LRMDA: variants seen among roughly 807,000 people sequenced by gnomAD.
LRMDA encodes leucine-rich melanocyte differentiation-associated protein.
Under a neutral mutation model 29.8 loss-of-function variants are expected in LRMDA, and 18 were observed. The observed-to-expected ratio is 0.60, with a 90% CI of 0.42 to 0.90. The LOEUF is 0.90. Among genes scored for constraint, LRMDA ranks in the 40% least tolerant of loss-of-function variants. LRMDA has a pLI of 0.00. For synonymous variants in LRMDA, 125 were observed against 109.4 expected (o/e 1.14, Z -0.89); for missense variants, 273 against 273.9 (o/e 1.00, Z 0.02).
chr10:75,744,505 G>A (rs1842867896), intron 2 of LRMDA, among the ~76,000 whole-genome samples: 1 of 152,156 alleles, frequency 6.6e-6, no homozygotes, highest in African/African-American at 2.4e-5. Context: ...GCTTCTAGGA[G>A]CCAGAAAATA....
At chr10:75,603,320 A>T (rs1489690438) in intron 2 of LRMDA, among the ~76,000 whole-genome samples, 2 of 152,190 alleles carry the variant, frequency 1.3e-5, no homozygotes, top group Non-Finnish European at 2.9e-5. Context: ...GGTACTTTTT[A>T]AAATAGTTCT....
Position 76,198,167 on chromosome 10 carries a change from T to C in LRMDA, c.517-126234T>C, listed in dbSNP as rs746167457. Among the ~76,000 whole-genome samples, 10 of 152,324 alleles carry C rather than the reference T, an allele frequency of 6.6e-5. No individual in the cohort carries two copies. In the East Asian group the frequency reaches 1.9e-3, roughly 29 times the overall value. ...GTCACCCACCTTGCAGTTAGAGCAG[T>C]GCTCCTGGGATGGAATGCTTTGGTT... is the stretch of plus-strand genomic sequence containing the variant. On this transcript the variant is annotated intron_variant, in intron 5 of 6. Transcript: ENST00000611255.
chr10:76,152,717 G>A (rs191850752), intron 5 of LRMDA, among the ~76,000 whole-genome samples: 2 of 152,198 alleles, frequency 1.3e-5, no homozygotes, highest in East Asian at 3.9e-4. Flanking sequence ...GTGATCCTGT[G>A]GGTGTGAAAC....
intron 1 of LRMDA, among the ~76,000 whole-genome samples, chr10:75,435,586 A>C (rs923858879): frequency 2.0e-5 from 3 of 152,200 alleles, no homozygotes; most frequent in Non-Finnish European, 4.4e-5. Context: ...CTTGGTCTTC[A>C]CATTTGAGAA....
rs1215454443 is a variant in LRMDA, at chr10:75,855,698, G to T, written c.132-180310G>T. The stretch of plus-strand genomic sequence containing the variant: ...TCTTCTAGGGTTTTTATGGTTTTAA[G>T]TCTAACATTTAAGTCTTTAATCCAT... On this transcript the variant is annotated intron_variant, in intron 2 of 6. Transcript: ENST00000611255. Among the ~76,000 whole-genome samples the T allele has an allele frequency of 4.3e-4, 65 of 152,182 alleles. 2 individuals are homozygous for T. The highest frequency in any genetic ancestry group is 5.9e-5 in the Non-Finnish European group (4 of 68,042).
intron 6 of LRMDA, among the ~76,000 whole-genome samples, chr10:76,486,028 A>G (rs1426648308): frequency 6.6e-6 from 1 of 151,916 alleles, no homozygotes; most frequent in Non-Finnish European, 1.5e-5. Flanking sequence ...CTTTCAGAAT[A>G]TTCTAATAGA....
At chr10:75,727,575 A>G (rs1252081285) in intron 2 of LRMDA, among the ~76,000 whole-genome samples, 2 of 152,194 alleles carry the variant, frequency 1.3e-5, no homozygotes, top group African/African-American at 2.4e-5. Flanking sequence ...CACTGTGTAT[A>G]TTTTACAGAT....
chr10:75,860,404 C>T (rs963745980), intron 2 of LRMDA, among the ~76,000 whole-genome samples: 1 of 146,522 alleles, frequency 6.8e-6, no homozygotes, highest in Admixed American at 7.0e-5. Flanking sequence ...TCACTGCAAC[C>T]TCTGCCTCCC....
intron 6 of LRMDA, among the ~76,000 whole-genome samples, chr10:76,472,901 A>G (rs898602307): frequency 2.0e-5 from 3 of 151,514 alleles, no homozygotes; most frequent in Admixed American, 1.3e-4. Flanking sequence ...TCTACAAAAA[A>G]AGACCCCGGG....
At chr10:76,459,084 C>T (rs930627715) in intron 6 of LRMDA, among the ~76,000 whole-genome samples, 6 of 152,100 alleles carry the variant, frequency 3.9e-5, no homozygotes, top group Non-Finnish European at 7.3e-5. Flanking sequence ...ATTCAATGAA[C>T]TAAAAAATAT....
chr10:75,818,019 A>G (rs1219736873), intron 2 of LRMDA, among the ~76,000 whole-genome samples: 1 of 152,222 alleles, frequency 6.6e-6, no homozygotes, highest in Non-Finnish European at 1.5e-5. Context: ...CAGCCTGAGC[A>G]TGATGGTTCC....
intron 5 of LRMDA, among the ~76,000 whole-genome samples, chr10:76,071,178 C>T (rs1008393648): frequency 2.0e-5 from 3 of 152,162 alleles, no homozygotes; most frequent in Non-Finnish European, 4.4e-5. Flanking sequence ...TGGAATCAGG[C>T]CCCTCTGCCC....
At chr10:75,502,752 T>C (rs1845127840) in intron 2 of LRMDA, among the ~76,000 whole-genome samples, 1 of 152,234 alleles carries the variant, frequency 6.6e-6, no homozygotes, top group East Asian at 1.9e-4. Context: ...TATTTGTTTA[T>C]TTTTAACTTT....
chr10:76,548,067 T>C (rs1843443411), intron 6 of LRMDA, among the ~76,000 whole-genome samples: 1 of 152,070 alleles, frequency 6.6e-6, no homozygotes, highest in Non-Finnish European at 1.5e-5. Context: ...AAATAATGAA[T>C]TTGAAAAGTA....
chr10:75,884,022 T>A (rs899222209), intron 2 of LRMDA, among the ~76,000 whole-genome samples: 11 of 152,000 alleles, frequency 7.2e-5, no homozygotes, highest in African/African-American at 2.7e-4. Context: ...CATAAGCTGC[T>A]TTTGAATTTT....
At chr10:75,719,277 A>G (rs1842538541) in intron 2 of LRMDA, among the ~76,000 whole-genome samples, 1 of 152,248 alleles carries the variant, frequency 6.6e-6, no homozygotes, top group Non-Finnish European at 1.5e-5. Flanking sequence ...GAGATGATGT[A>G]TCTGAAGAGC....
At chr10:76,549,032 C>T (rs867770839) in intron 6 of LRMDA, among the ~76,000 whole-genome samples, 2 of 152,174 alleles carry the variant, frequency 1.3e-5, no homozygotes, top group Non-Finnish European at 2.9e-5. Flanking sequence ...TTCCATTTTC[C>T]ACTGACAGAT....
chr10:75,772,449 G>A (rs1843253107), intron 2 of LRMDA, among the ~76,000 whole-genome samples: 1 of 152,160 alleles, frequency 6.6e-6, no homozygotes, highest in Admixed American at 6.5e-5. Flanking sequence ...AGAAGTTTCG[G>A]TTTCATTTTG....
intron 5 of LRMDA, among the ~76,000 whole-genome samples, chr10:76,130,008 A>G (rs551336418): frequency 6.6e-6 from 1 of 152,294 alleles, no homozygotes; most frequent in South Asian, 2.1e-4. Context: ...TAAAGAATAA[A>G]TGAGGTTTTC....
Sources: gnomAD v4.1 joint callset for allele counts (sites outside exome capture counted in the v4.1 genomes callset) on GRCh38, gnomAD v4.1.1 for gene constraint, MANE v1.5 for transcripts, NCBI Gene and HGNC (gene_info 2026-07-23, HGNC 2026-07-21) for gene names.